The following RBL2 variants were observed in gnomAD, a reference collection of about 807,000 sequenced individuals.
The protein encoded by RBL2 is retinoblastoma-like protein 2.
In RBL2, 56 loss-of-function variants were observed where a neutral mutation model predicts 126.0. The observed-to-expected ratio is 0.44, with a 90% CI of 0.36 to 0.56. RBL2 has a LOEUF of 0.56. RBL2 is among the 20% of genes least tolerant of loss of function. The probability of loss-of-function intolerance (pLI) is 0.00; values close to 1 mark genes in which losing one functional copy is unlikely to be tolerated. For missense variants in RBL2, 1,229 were observed against 1,398.2 expected (o/e 0.88, Z 1.93); for synonymous variants, 454 against 478.5 (o/e 0.95, Z 0.67).
At chr16:53,454,470 T>C in intron 7 of RBL2, 186 bp from the exon 8 acceptor site, 1 of 552,996 alleles carries the variant, frequency 1.8e-6, no homozygotes, top group Non-Finnish European at 3.2e-6. Context: ...CCCAAAGTGC[T>C]GGGATTACAG....
chr16:53,480,955 T>C, intron 20 of RBL2, 186 bp downstream of exon 20: 3 of 515,634 alleles, frequency 5.8e-6, no homozygotes, highest in African/African-American at 1.9e-5. Context: ...GGTCAGGAGT[T>C]CAAGACCAGC....
intron 17 of RBL2, among the ~76,000 whole-genome samples, chr16:53,473,365 A>G (rs1157869749): frequency 1.3e-5 from 2 of 151,768 alleles, no homozygotes; most frequent in Non-Finnish European, 2.9e-5. Context: ...TTTTTTTTCA[A>G]CAATGCTTTG....
chr16:53,479,180 G>T lies in RBL2; in HGVS notation c.2730G>T (p.Gln910His). 1 of 1,613,932 alleles carries T rather than the reference G, an allele frequency of 6.2e-7. No homozygotes were observed. Among genetic ancestry groups the T allele is most frequent in the Middle Eastern group, 1.6e-4 (1 of 6,062 alleles). ...TCACAAAAGAAGATAAGTCCTTCCA[G>T]AACATTATGCGTTGTTATAGGACTC... ...AKVTKEDKSF[Q>H]NIMRCYRTQP... is the part of the protein sequence containing the mutation. Residue 910 changes from glutamine to histidine, a missense_variant, in exon 18 of 22, where the codon CAG becomes CAT. Gln to His is a conservative substitution (Grantham distance 24). Around this residue, in one of 2 missense-constraint regions of RBL2, gnomAD observed 1,070 missense variants for 1,274.3 expected, o/e 0.84. Transcript: ENST00000262133.
Position 53,470,574 on chromosome 16 carries a change from G to T in RBL2, c.2437G>T (p.Gly813Cys), listed in dbSNP as rs757881914. Reference protein sequence around the residue: ...GQVAIQQISPGGQQQKQGQSV... With the variant: ...GQVAIQQISPCGQQQKQGQSV... ...AGTGGCCATTCAACAGATTTCCCCA[G>T]GTGGCCAACAGCAGAAGCAAGGCCA... is the stretch of plus-strand genomic sequence containing the variant. Residue 813 changes from glycine to cysteine, a missense_variant, in exon 16 of 22, where the codon GGT (glycine) becomes TGT (cysteine). By Grantham distance (159) the Gly-to-Cys change is radical. This residue lies in a region of RBL2 where 1,070 missense variants were observed against 1,274.3 expected (regional missense o/e 0.84). Transcript: ENST00000262133. 3 of 1,614,042 alleles carry T rather than the reference G, an allele frequency of 1.9e-6. No individual in the cohort carries two copies. Among genetic ancestry groups the T allele is most frequent in the Admixed American group, 3.3e-5 (2 of 59,996 alleles).
chr16:53,471,724 C>T (rs1434139260), intron 17 of RBL2, among the ~76,000 whole-genome samples: 1 of 152,174 alleles, frequency 6.6e-6, no homozygotes, highest in Non-Finnish European at 1.5e-5. Flanking sequence ...CCACCTCGGC[C>T]TCCCAAAGTG....
intron 8 of RBL2, 23 bp downstream of exon 8, chr16:53,454,865 A>G: frequency 1.9e-6 from 3 of 1,570,260 alleles, no homozygotes; most frequent in Non-Finnish European, 2.6e-6. Context: ...ATGCCAGAAG[A>G]GTAGAAATAC....
At chr16:53,457,871 TG>T (rs2058184288) in intron 8 of RBL2, among the ~76,000 whole-genome samples, 2 of 152,192 alleles carry the variant, frequency 1.3e-5, no homozygotes, top group Admixed American at 1.3e-4. Flanking sequence ...GTGAAACTAC[TG>T]CTGCCTGTGG....
At chr16:53,474,471 C>T (rs1320474373) in intron 17 of RBL2, among the ~76,000 whole-genome samples, 1 of 152,146 alleles carries the variant, frequency 6.6e-6, no homozygotes, top group African/African-American at 2.4e-5. Flanking sequence ...CATGTGCCAC[C>T]ACCCCTGGCT....
rs1162028793 is a variant in RBL2 at position 53,465,944 on chromosome 16, C to T, written c.1863+342C>T. On this transcript the variant is annotated intron_variant, in intron 13 of 21. Coordinates refer to ENST00000262133, the MANE Select transcript of RBL2 (RefSeq NM_005611.4). ...TAGAGATCCTCGCCACCTCCCATCG[C>T]TAAGCTGCTTTTAAGCTAATTTTCT... is the stretch of plus-strand genomic sequence containing the variant. 3 of 163,148 alleles carry T rather than the reference C, an allele frequency of 1.8e-5. No individual in the cohort carries two copies. In the East Asian group the frequency reaches 5.1e-4, roughly 28 times the overall value. 10.1% of individuals were successfully genotyped at this position (163,148 alleles called of 1,614,324 possible).
In RBL2 at chr16:53,453,463, G is replaced by T. The variant is rs1003706609; in HGVS notation, c.778G>T (p.Asp260Tyr). The change falls in exon 6 of 22, where the codon GAT becomes TAT. Residue 260 changes from aspartate to tyrosine, a missense_variant. Physicochemically the swap from Asp to Tyr is radical, Grantham distance 160. This residue lies in a region of RBL2 where 1,070 missense variants were observed against 1,274.3 expected (regional missense o/e 0.84). Transcript: ENST00000262133. ...VNPNFKGLSE[D>Y]FHAKDSKPSS... Reference sequence around the variant, plus strand: ...TCTATACACCATAGGCTTATCTGAAGATTTTCATGCTAAAGATTCTAAACC... The same window carrying T: ...TCTATACACCATAGGCTTATCTGAATATTTTCATGCTAAAGATTCTAAACC... The T allele has an allele frequency of 2.5e-6, 4 of 1,612,288 alleles. No homozygotes were observed. Among genetic ancestry groups the T allele is most frequent in the South Asian group, 1.1e-5 (1 of 90,910 alleles).
chr16:53,458,185 A>G (rs768975316), intron 8 of RBL2, among the ~76,000 whole-genome samples: 3 of 152,238 alleles, frequency 2.0e-5, no homozygotes, highest in Non-Finnish European at 4.4e-5. Flanking sequence ...GTGCTTTTCT[A>G]TATCTTATGA....
In RBL2 at chr16:53,469,938, A is replaced by G. The variant is rs970754221; in HGVS notation, c.1998A>G (p.Leu666=). The G allele has an allele frequency of 1.3e-6, 2 of 1,591,674 alleles. No individual in the cohort carries two copies. The highest frequency in any genetic ancestry group is 1.7e-6 in the Non-Finnish European group (2 of 1,165,934). ...TAGGCATAACATCTCCAACCACATT[A>G]TACGATAGGTACAGCTCCCCACCAG... ...LGRSITSPTT[L]YDRYSSPPAS... The change falls in exon 15 of 22, where the codon TTA becomes TTG. Residue 666 remains leucine, a synonymous_variant. Coordinates refer to ENST00000262133, the MANE Select transcript of RBL2 (RefSeq NM_005611.4).
At chr16:53,472,767 T>C (rs891308240) in intron 17 of RBL2, among the ~76,000 whole-genome samples, 5 of 152,232 alleles carry the variant, frequency 3.3e-5, no homozygotes, top group Non-Finnish European at 7.3e-5. Context: ...TTTGGTTTGT[T>C]ACTTGCACTT....
Position 53,469,944 on chromosome 16 carries a change from T to C in RBL2, c.2004T>C (p.Asp668=), listed in dbSNP as rs1215152791. The change falls in exon 15 of 22, where the codon GAT becomes GAC. Residue 668 remains aspartate, a synonymous_variant. Coordinates refer to ENST00000262133, the MANE Select transcript of RBL2 (RefSeq NM_005611.4). The part of the protein sequence containing the change: ...RSITSPTTLY[D]RYSSPPASTT... ...TAACATCTCCAACCACATTATACGA[T>C]AGGTACAGCTCCCCACCAGCCAGCA... is the stretch of plus-strand genomic sequence containing the variant. 3 of 1,599,210 alleles carry C rather than the reference T, an allele frequency of 1.9e-6. No homozygotes were observed. Among genetic ancestry groups the C allele is most frequent in the Admixed American group, 1.7e-5 (1 of 58,728 alleles).
Position 53,480,056 on chromosome 16 carries a change from AG to A in RBL2, c.2881+66del. 2.9e-6 allele frequency: 3 copies of A among 1,035,252 alleles called. No individual in the cohort carries two copies. The South Asian group carries it at 4.4e-5, about 15-fold the overall frequency. The allele number at this position is 1,035,252 out of a possible 1,614,324, so 64.1% of individuals were successfully genotyped here. On this transcript the variant is annotated intron_variant, in intron 19 of 21. Coordinates refer to ENST00000262133, the MANE Select transcript of RBL2 (RefSeq NM_005611.4). ...GCTTTTCTTACTTTTTAGGCCTTGA[AG>A]AAGTAACTAAGCATTACTAAATGAA...
chr16:53,459,705 C>T, intron 9 of RBL2, 88 bp downstream of exon 9: 4 of 1,267,234 alleles, frequency 3.2e-6, no homozygotes, highest in Non-Finnish European at 4.3e-6. Flanking sequence ...CCTTAATTCA[C>T]CCATGAATAA....
intron 2 of RBL2, among the ~76,000 whole-genome samples, chr16:53,440,296 TAAATA>T (rs901724510): frequency 1.1e-4 from 17 of 152,148 alleles, no homozygotes; most frequent in East Asian, 9.7e-4. Context: ...TCAAAACAAA[TAAATA>T]AAATAAAATA....
intron 3 of RBL2, among the ~76,000 whole-genome samples, chr16:53,445,326 CAAAA>C (rs11360172): frequency 1.4e-4 from 16 of 114,528 alleles, no homozygotes; most frequent in Admixed American, 6.5e-4. Context: ...GACCTTGTCT[CAAAA>C]AAAAAAAAAA....
At chr16:53,482,068 T>C (rs551769977) in intron 21 of RBL2, among the ~76,000 whole-genome samples, 1 of 152,314 alleles carries the variant, frequency 6.6e-6, no homozygotes, top group East Asian at 1.9e-4. Flanking sequence ...GATTTCTTTT[T>C]ATTCCCTCTC....
Sources: allele counts gnomAD v4.1 joint callset (sites outside exome capture counted in the v4.1 genomes callset), GRCh38; gene constraint gnomAD v4.1.1; regional missense constraint gnomAD v4.1.1; transcripts MANE v1.5; gene names NCBI Gene and HGNC (gene_info 2026-07-23, HGNC 2026-07-21).